The following FRY variants were observed in gnomAD, a reference collection of about 807,000 sequenced individuals.
FRY encodes the protein protein furry homolog.
FRY carries 128 observed loss-of-function variants against 348.4 expected under a neutral mutation model. That is an observed-to-expected ratio of 0.37 (90% CI 0.32 to 0.43). The LOEUF is 0.43. Among genes scored for constraint, FRY ranks in the 20% least tolerant of loss-of-function variants. FRY has a pLI of 1.00. For missense variants in FRY, 2,736 were observed against 3,695.2 expected, an observed-to-expected ratio of 0.74 and a Z score of 6.73; for synonymous variants, 1,370 against 1,374.7, an observed-to-expected ratio of 1.00 and a Z score of 0.08.
chr13:32,266,056 T>C (rs1436370715), intron 54 of FRY, among the ~76,000 whole-genome samples: 4 of 149,274 alleles, frequency 2.7e-5, no homozygotes, highest in Non-Finnish European at 5.9e-5. Flanking sequence ...TAGTGAGATA[T>C]AGAAACAGAA....
rs571735164 is a variant in FRY, at chr13:32,125,001, C to T, written c.716+126C>T. 1.5e-5 allele frequency: 11 copies of T among 757,324 alleles called. No individual in the cohort carries two copies. In the African/African-American group the frequency reaches 1.7e-4, roughly 12 times the overall value. The allele number at this position is 757,324 out of a possible 1,614,324, so 46.9% of individuals were successfully genotyped here. On this transcript the variant is annotated intron_variant, in intron 7 of 60. Transcript: ENST00000542859. Reference sequence around the variant, plus strand: ...GGTAGGGCTCTTTGCCATGTGTGCCCCATCTCTGAAACTGAATAGAAAGCT... The same window carrying T: ...GGTAGGGCTCTTTGCCATGTGTGCCTCATCTCTGAAACTGAATAGAAAGCT...
intron 48 of FRY, among the ~76,000 whole-genome samples, chr13:32,248,908 A>T (rs1386650055): frequency 2.6e-5 from 4 of 152,170 alleles, no homozygotes; most frequent in Admixed American, 2.0e-4. Flanking sequence ...CAGGTGTAAA[A>T]TTGACAGTTT....
chr13:32,210,952 C>T lies in FRY; in HGVS notation c.4509C>T (p.Pro1503=), dbSNP rs746718797. 1.3e-5 allele frequency: 21 copies of T among 1,613,784 alleles called. No individual in the cohort carries two copies. Among genetic ancestry groups the T allele is most frequent in the South Asian group, 6.6e-5 (6 of 91,072 alleles). The stretch of plus-strand genomic sequence containing the variant: ...TCTTTGAGCTGCAGCAGACAGAGCC[C>T]GTGAACCCCATCGTCCAGCATTGTG... ...ELLFELQQTE[P]VNPIVQHCDN... is the part of the protein sequence containing the mutation. The change falls in exon 34 of 61, where the codon CCC becomes CCT. Residue 1503 remains proline (P), a synonymous_variant. Coordinates refer to ENST00000542859, the MANE Select transcript of FRY (RefSeq NM_023037.3).
rs763614766 is a variant in FRY at position 32,208,963 on chromosome 13, C to G, written c.4129C>G (p.Pro1377Ala). The change falls in exon 32 of 61, where the codon CCG becomes GCG. Residue 1377 changes from proline (P) to alanine (A), a missense_variant. Physicochemically the swap from Pro to Ala is conservative, Grantham distance 27 (BLOSUM62 -1). Around this residue, in one of 9 missense-constraint regions of FRY, gnomAD observed 794 missense variants for 977.0 expected, o/e 0.81. Transcript: ENST00000542859. ...GCTGGTGGACAGCAGGCTCCTCCTCCCGGGGTCGAGCCCCAGCAGCCCAGA... is the reference window on the plus strand; with the variant it reads ...GCTGGTGGACAGCAGGCTCCTCCTCGCGGGGTCGAGCCCCAGCAGCCCAGA... The part of the protein sequence containing the change: ...IELVDSRLLL[P>A]GSSPSSPEDE... 6.2e-7 allele frequency: 1 copy of G among 1,614,154 alleles called. No homozygotes were observed. Among genetic ancestry groups the G allele is most frequent in the Non-Finnish European group, 8.5e-7 (1 of 1,180,042 alleles).
At chr13:32,077,015 A>G (rs1485767441) in intron 1 of FRY, among the ~76,000 whole-genome samples, 1 of 152,244 alleles carries the variant, frequency 6.6e-6, no homozygotes, top group Admixed American at 6.5e-5. Flanking sequence ...TAGTGGAGGT[A>G]GGTGTTACGG....
chr13:32,275,660 C>T (rs1888500117), intron 56 of FRY, among the ~76,000 whole-genome samples: 1 of 152,178 alleles, frequency 6.6e-6, no homozygotes, highest in Non-Finnish European at 1.5e-5. Flanking sequence ...GTTGCCCAGT[C>T]GGATGGGTCT....
At chr13:32,062,799 G>A (rs1028494073) in intron 1 of FRY, among the ~76,000 whole-genome samples, 3 of 152,022 alleles carry the variant, frequency 2.0e-5, no homozygotes, top group South Asian at 2.1e-4. Flanking sequence ...TGTAAACACT[G>A]TACTAGAAGC....
intron 58 of FRY, chr13:32,287,846 T>C: frequency 7.4e-7 from 1 of 1,343,580 alleles, no homozygotes; most frequent in Middle Eastern, 2.1e-4. Flanking sequence ...CTTTGTTTCC[T>C]GTGCCATGCT....
chr13:32,185,229 A>T, intron 26 of FRY, 81 bp downstream of exon 26: 1 of 1,250,552 alleles, frequency 8.0e-7, no homozygotes, highest in East Asian at 2.3e-5. Context: ...TTCGTCTTTA[A>T]CCCTACTGGC....
At chr13:32,052,526 AT>A (rs1200008854) in intron 1 of FRY, among the ~76,000 whole-genome samples, 9 of 152,356 alleles carry the variant, frequency 5.9e-5, no homozygotes, top group Admixed American at 6.5e-5. Context: ...ATCTAATTCA[AT>A]ATATCTAAAA....
chr13:32,169,517 G>A (rs1037970618), intron 17 of FRY, among the ~76,000 whole-genome samples: 1 of 152,250 alleles, frequency 6.6e-6, no homozygotes, highest in Non-Finnish European at 1.5e-5. Context: ...CTGAAGTCAC[G>A]TAGCTAATAA....
chr13:32,182,839 GGA>G, intron 23 of FRY, 136 bp from the exon 24 acceptor site: 1 of 639,358 alleles, frequency 1.6e-6, no homozygotes, highest in Non-Finnish European at 2.8e-6. Flanking sequence ...ATTGGGAAAT[GGA>G]GAGATCAGGG....
intron 41 of FRY, among the ~76,000 whole-genome samples, chr13:32,232,309 A>G (rs1485212663): frequency 3.3e-5 from 5 of 152,190 alleles, no homozygotes; most frequent in Non-Finnish European, 7.3e-5. Context: ...CAGGCTGCAT[A>G]AAGTCTAAGT....
At chr13:32,037,611 C>G (rs1009271505) in intron 1 of FRY, among the ~76,000 whole-genome samples, 2 of 152,162 alleles carry the variant, frequency 1.3e-5, no homozygotes, top group African/African-American at 4.8e-5. Context: ...AAGCAAACAG[C>G]AGTAGGCAAG....
At chr13:32,114,191 A>AT (rs1156484711) in intron 3 of FRY, among the ~76,000 whole-genome samples, 1 of 152,194 alleles carries the variant, frequency 6.6e-6, no homozygotes, top group African/African-American at 2.4e-5. Context: ...CCACACAAGT[A>AT]TTTTTTGAAT....
Position 32,294,356 on chromosome 13 carries a change from T to G in FRY, c.8581-12T>G. The G allele has an allele frequency of 6.2e-7, 1 of 1,602,702 alleles. No homozygotes were observed. The highest frequency in any genetic ancestry group is 8.5e-7 in the Non-Finnish European group (1 of 1,169,942). On this transcript the variant is annotated splice_polypyrimidine_tract_variant and intron_variant, in intron 59 of 60. Coordinates refer to ENST00000542859, the MANE Select transcript of FRY (RefSeq NM_023037.3). ...CCTAAATATAGTTTAAAAAACATTTTTTTTTAAATAGCTGCTGAATATGTC... is the reference window on the plus strand; with the variant it reads ...CCTAAATATAGTTTAAAAAACATTTGTTTTTAAATAGCTGCTGAATATGTC...
chr13:32,261,203 T>C (rs1887626276), intron 51 of FRY, among the ~76,000 whole-genome samples: 1 of 152,180 alleles, frequency 6.6e-6, no homozygotes, highest in Admixed American at 6.5e-5. Context: ...GCTCCTACTT[T>C]TTTCTCCTTC....
chr13:32,176,591 A>G (rs1301476585), intron 20 of FRY, among the ~76,000 whole-genome samples: 1 of 152,192 alleles, frequency 6.6e-6, no homozygotes, highest in African/African-American at 2.4e-5. Context: ...AAATAGTCCT[A>G]CTTCTTTTAG....
At chr13:32,050,261 A>G (rs931996119) in intron 1 of FRY, among the ~76,000 whole-genome samples, 2 of 152,236 alleles carry the variant, frequency 1.3e-5, no homozygotes, top group African/African-American at 2.4e-5. Context: ...TAGAGTATCA[A>G]TTCATCTAAG....
Sources: gnomAD v4.1 joint callset for allele counts (sites outside exome capture counted in the v4.1 genomes callset) on GRCh38, gnomAD v4.1.1 for gene constraint, gnomAD v4.1.1 regional missense constraint, MANE v1.5 for transcripts, NCBI Gene and HGNC (gene_info 2026-07-23, HGNC 2026-07-21) for gene names.